VIPR2: variants seen among roughly 807,000 people sequenced by gnomAD.
VIPR2 encodes the protein vasoactive intestinal peptide receptor 2.
In VIPR2, 48 loss-of-function variants were observed where a neutral mutation model predicts 58.0. The ratio of observed to expected loss-of-function variants is 0.83; its 90% CI spans 0.66 to 1.05. The LOEUF is 1.05. Among genes scored for constraint, VIPR2 ranks in the 50% least tolerant of loss-of-function variants. VIPR2 has a pLI of 0.00. For missense variants in VIPR2, 534 were observed against 558.0 expected (o/e 0.96, Z 0.43); for synonymous variants, 243 against 235.2 (o/e 1.03, Z -0.30).
intron 3 of VIPR2, among the ~76,000 whole-genome samples, chr7:159,109,455 G>A (rs751360447): frequency 2.6e-5 from 4 of 152,180 alleles, no homozygotes; most frequent in Admixed American, 2.0e-4. Flanking sequence ...CTTCCAGAGT[G>A]TGCTCTCTGG....
Position 159,031,434 on chromosome 7 carries a change from G to T in VIPR2, c.1143+394C>A. The T allele has an allele frequency of 1.0e-6, 1 of 985,080 alleles. No homozygotes were observed. 61.0% of individuals were successfully genotyped at this position (985,080 alleles called of 1,614,324 possible). On this transcript the variant is annotated intron_variant, in intron 12 of 12. Transcript: ENST00000262178. This position sits in a 1 kb window ranked among gnomAD's most constrained non-coding sequence, Gnocchi z 4.0. ...CTCGGCTCCGGGCTTCCTCCCCAGG[G>T]ACTCACAGGACGCTGTGCAGCCCCA...
intron 1 of VIPR2, chr7:159,144,184 TAATC>T: frequency 9.7e-7 from 1 of 1,030,722 alleles, no homozygotes; most frequent in Non-Finnish European, 1.3e-6. Flanking sequence ...CGAAGGCACT[TAATC>T]AACAAACTTA....
At chr7:159,058,102 T>C (rs1362640258) in intron 5 of VIPR2, among the ~76,000 whole-genome samples, 1 of 152,224 alleles carries the variant, frequency 6.6e-6, no homozygotes, top group Non-Finnish European at 1.5e-5. Flanking sequence ...ACAGCCTGAC[T>C]CCACCTTCAT....
At chr7:159,139,717 A>G (rs1316927050) in intron 2 of VIPR2, among the ~76,000 whole-genome samples, 1 of 152,264 alleles carries the variant, frequency 6.6e-6, no homozygotes, top group Non-Finnish European at 1.5e-5. Context: ...CCCAGAACAC[A>G]TAGAGACCAC....
rs779589614 is a variant in VIPR2, at chr7:159,098,268, G to A, written c.357+5489C>T. Among the ~76,000 whole-genome samples the A allele has an allele frequency of 9.2e-5, 14 of 152,130 alleles. No homozygotes were observed. Among genetic ancestry groups the A allele is most frequent in the Non-Finnish European group, 1.8e-4 (12 of 68,004 alleles). ...GGAGCCTCCCACACTTGGTGATCCCGAGCCCTCAGTCTGCTGGTGGTGGTG... is the reference window on the plus strand; with the variant it reads ...GGAGCCTCCCACACTTGGTGATCCCAAGCCCTCAGTCTGCTGGTGGTGGTG... On this transcript the variant is annotated intron_variant, in intron 4 of 12. Transcript: ENST00000262178. This position sits in a 1 kb window ranked among gnomAD's most constrained non-coding sequence, Gnocchi z 5.2.
intron 6 of VIPR2, 24 bp from the exon 7 acceptor site, chr7:159,036,926 G>A (rs746503068): frequency 1.9e-6 from 3 of 1,604,524 alleles, no homozygotes; most frequent in South Asian, 1.1e-5. Flanking sequence ...ACAGAGGAGA[G>A]GAAAGCATGA....
chr7:159,061,509 C>T (rs1053220986), intron 4 of VIPR2, among the ~76,000 whole-genome samples: 5 of 151,762 alleles, frequency 3.3e-5, no homozygotes, highest in African/African-American at 1.2e-4. Flanking sequence ...AATAATTAGC[C>T]GGGTGTGGCT....
At chr7:159,103,717 A>G in intron 4 of VIPR2, 40 bp downstream of exon 4, 1 of 1,502,344 alleles carries the variant, frequency 6.7e-7, no homozygotes, top group Non-Finnish European at 9.3e-7. Context: ...CAGTGTTAGG[A>G]AGTGGAACCT....
chr7:159,038,668 C>T (rs766203204), intron 6 of VIPR2, among the ~76,000 whole-genome samples: 5 of 151,922 alleles, frequency 3.3e-5, no homozygotes, highest in South Asian at 2.1e-4. Context: ...GGTAAAAGAC[C>T]GCATCTTAAA....
At chr7:159,035,009 G>A (rs1244408715) in intron 8 of VIPR2, among the ~76,000 whole-genome samples, 2 of 152,126 alleles carry the variant, frequency 1.3e-5, no homozygotes, top group Non-Finnish European at 2.9e-5. Flanking sequence ...CTCACCTCCC[G>A]AATGGTTTGC....
chr7:159,103,452 A>G (rs780562393), intron 4 of VIPR2, among the ~76,000 whole-genome samples: 1 of 152,302 alleles, frequency 6.6e-6, no homozygotes, highest in Admixed American at 6.5e-5. Context: ...CTCATCTGAA[A>G]AGTAACTTTC....
chr7:159,060,382 AACC>A (rs1478328412), intron 4 of VIPR2, among the ~76,000 whole-genome samples: 1 of 149,876 alleles, frequency 6.7e-6, no homozygotes, highest in East Asian at 2.0e-4. Context: ...TCCTTCACCT[AACC>A]ACCATCTCAC....
At chr7:159,135,248 T>C (rs1007035830) in intron 2 of VIPR2, among the ~76,000 whole-genome samples, 10 of 150,872 alleles carry the variant, frequency 6.6e-5, no homozygotes, top group Non-Finnish European at 1.5e-4. Flanking sequence ...CTGGCCAACA[T>C]AGTGAAACCC....
chr7:159,113,479 G>A (rs1334654663), intron 2 of VIPR2, among the ~76,000 whole-genome samples: 1 of 151,998 alleles, frequency 6.6e-6, no homozygotes, highest in African/African-American at 2.4e-5. Flanking sequence ...GCTGATTAAA[G>A]CCACTCCCTT....
intron 2 of VIPR2, among the ~76,000 whole-genome samples, chr7:159,139,675 C>T (rs556718436): frequency 7.9e-5 from 12 of 152,362 alleles, no homozygotes; most frequent in African/African-American, 2.6e-4. Context: ...TTCAGCCATG[C>T]GCCTCTGAAG....
Position 159,096,979 on chromosome 7 carries a change from G to A in VIPR2, c.357+6778C>T, listed in dbSNP as rs1481325662. On this transcript the variant is annotated intron_variant, in intron 4 of 12. Transcript: ENST00000262178. The surrounding 1 kb of genome is among the most constrained non-coding windows in gnomAD (Gnocchi z 5.5). ...CACCTGCTGGGCCTGAGGACCATGAGGGGAGGCTTCCTTCAGAAAAGCTGC... is the reference window on the plus strand; with the variant it reads ...CACCTGCTGGGCCTGAGGACCATGAAGGGAGGCTTCCTTCAGAAAAGCTGC... The A allele has an allele frequency of 6.4e-7, 1 of 1,550,514 alleles. No individual in the cohort carries two copies. Among genetic ancestry groups the A allele is most frequent in the African/African-American group, 1.4e-5 (1 of 73,056 alleles).
chr7:159,047,225 C>T (rs556760142), intron 5 of VIPR2, among the ~76,000 whole-genome samples: 5 of 152,286 alleles, frequency 3.3e-5, no homozygotes, highest in South Asian at 2.1e-4. Flanking sequence ...GGCTGGGCAA[C>T]ACAAGCGAAA....
chr7:159,041,368 T>A (rs2129493358), intron 6 of VIPR2, among the ~76,000 whole-genome samples: 1 of 152,302 alleles, frequency 6.6e-6, no homozygotes, highest in Non-Finnish European at 1.5e-5. Flanking sequence ...GCCACCACTT[T>A]CCATGTTGCA....
At chr7:159,079,891 C>T (rs1230221389) in intron 4 of VIPR2, among the ~76,000 whole-genome samples, 2 of 152,220 alleles carry the variant, frequency 1.3e-5, no homozygotes, top group African/African-American at 4.8e-5. Context: ...TTCCTCAACA[C>T]ATACACTCTC....
Sources: gnomAD v4.1 joint callset for allele counts (sites outside exome capture counted in the v4.1 genomes callset) on GRCh38, gnomAD v4.1.1 for gene constraint, Gnocchi (gnomAD v3.1) non-coding constraint, MANE v1.5 for transcripts, NCBI Gene and HGNC (gene_info 2026-07-23, HGNC 2026-07-21) for gene names.